Variants in KSR2 observed in about 807,000 individuals in gnomAD.
The protein encoded by KSR2 is kinase suppressor of ras 2.
In KSR2, 25 loss-of-function variants were observed where a neutral mutation model predicts 107.8. That is an observed-to-expected ratio of 0.23 (90% CI 0.17 to 0.32). KSR2 has a LOEUF of 0.32. Ranked by LOEUF, KSR2 falls within the 10% of genes least tolerant of loss-of-function variation. The pLI, the probability that KSR2 is intolerant of heterozygous loss-of-function variation, is 1.00. For missense variants in KSR2, 887 were observed against 1,268.9 expected (o/e 0.70, Z 4.57); for synonymous variants, 480 against 507.0 (o/e 0.95, Z 0.71).
In KSR2 at chr12:117,873,524, G is replaced by A. The variant is rs1187864469; in HGVS notation, c.181-13093C>T. Among the ~76,000 whole-genome samples the A allele has an allele frequency of 2.2e-5, 3 of 136,896 alleles. No individual in the cohort carries two copies. In the East Asian group the frequency reaches 7.3e-4, roughly 33 times the overall value. 89.8% of individuals were successfully genotyped at this position (136,896 alleles called of 152,430 possible). A position where few individuals can be genotyped will look rare whatever the true frequency, so the allele number is the denominator to read the frequency against. On this transcript the variant is annotated intron_variant, in intron 1 of 19. Transcript: ENST00000339824. ...TGCCCAGGATGGAGTACAATGGCAT[G>A]ACCTCGGCTCACTGCAACCTCCACC...
At chr12:117,632,951 G>A (rs1171491261) in intron 5 of KSR2, among the ~76,000 whole-genome samples, 2 of 152,134 alleles carry the variant, frequency 1.3e-5, no homozygotes, top group Admixed American at 6.5e-5. Context: ...GATGGGCATT[G>A]AGGTGGATTC....
intron 4 of KSR2, among the ~76,000 whole-genome samples, chr12:117,709,662 C>A (rs78837055): frequency 6.6e-6 from 1 of 152,116 alleles, no homozygotes; most frequent in African/African-American, 2.4e-5. Flanking sequence ...GGGGACACAG[C>A]GGTTAGCAAA....
intron 1 of KSR2, among the ~76,000 whole-genome samples, chr12:117,935,092 C>T (rs115484524): frequency 0.026 from 3,948 of 152,048 alleles, 82 homozygotes; most frequent in Middle Eastern, 0.095. Flanking sequence ...CCTCCCAAAG[C>T]GCTGGGATTA....
chr12:117,965,375 G>A (rs569450232), intron 1 of KSR2, among the ~76,000 whole-genome samples: 1 of 152,292 alleles, frequency 6.6e-6, no homozygotes, highest in South Asian at 2.1e-4. Context: ...CTAGGATTGG[G>A]TTTTCCATTT....
chr12:117,803,795 C>T (rs1890918502), intron 3 of KSR2, among the ~76,000 whole-genome samples: 1 of 152,192 alleles, frequency 6.6e-6, no homozygotes, highest in Non-Finnish European at 1.5e-5. Context: ...ATTTAATCCT[C>T]ACTACAAACT....
intron 1 of KSR2, among the ~76,000 whole-genome samples, chr12:117,874,284 G>C (rs1340873835): frequency 1.3e-5 from 2 of 151,920 alleles, no homozygotes; most frequent in African/African-American, 4.8e-5. Context: ...CCAGGCTGGA[G>C]TGCAGTGACA....
intron 4 of KSR2, among the ~76,000 whole-genome samples, chr12:117,697,987 ACAC>A (rs909917821): frequency 3.8e-4 from 58 of 152,116 alleles, no homozygotes; most frequent in African/African-American, 1.4e-3. Flanking sequence ...CACAGAGAGA[ACAC>A]CACGTGAAGA....
At chr12:117,890,849 G>A (rs1894320293) in intron 1 of KSR2, 1 of 152,142 alleles carries the variant, frequency 6.6e-6, no homozygotes. Flanking sequence ...CCAGCAGAAG[G>A]GAAAAAGAAG....
chr12:117,528,356 T>C (rs559058817), intron 12 of KSR2, among the ~76,000 whole-genome samples: 4 of 152,166 alleles, frequency 2.6e-5, no homozygotes, highest in Admixed American at 6.5e-5. Flanking sequence ...AACTGGGCTA[T>C]TGAAGGCATG....
chr12:117,825,881 G>A (rs1302040547), intron 3 of KSR2, among the ~76,000 whole-genome samples: 1 of 144,608 alleles, frequency 6.9e-6, no homozygotes, highest in Non-Finnish European at 1.5e-5. Context: ...ACGGACAGAT[G>A]CATGCATGCA....
chr12:117,864,714 T>C lies in KSR2; in HGVS notation c.181-4283A>G, dbSNP rs562706139. Among the ~76,000 whole-genome samples the C allele has an allele frequency of 1.2e-3, 185 of 152,356 alleles. 2 individuals are homozygous for C. Among genetic ancestry groups the C allele is most frequent in the Middle Eastern group, 0.01 (3 of 294 alleles). On this transcript the variant is annotated intron_variant, in intron 1 of 19. Coordinates refer to ENST00000339824, the MANE Select transcript of KSR2 (RefSeq NM_173598.6). ...TCACTTCTGAGAATCCCGTGGCTTG[T>C]GGCAGCCAAACTTCAATCTTCACAT...
chr12:117,552,170 A>G (rs708855), intron 9 of KSR2, among the ~76,000 whole-genome samples: 66,896 of 152,080 alleles, frequency 0.44, 15,434 homozygotes, highest in Middle Eastern at 0.52. Context: ...GTTTTGATCA[A>G]AGGCCCCCAA....
At chr12:117,886,860 A>G (rs1369062748) in intron 1 of KSR2, among the ~76,000 whole-genome samples, 1 of 152,048 alleles carries the variant, frequency 6.6e-6, no homozygotes, top group East Asian at 1.9e-4. Flanking sequence ...TGCATGTATT[A>G]CCTGGCTTAT....
intron 3 of KSR2, among the ~76,000 whole-genome samples, chr12:117,817,826 C>T (rs542683958): frequency 2.4e-4 from 37 of 152,182 alleles, no homozygotes; most frequent in African/African-American, 8.2e-4. Context: ...CCAGGCTGGG[C>T]GCGGTGGCTC....
rs184072937 is a variant in KSR2 at position 117,502,170 on chromosome 12, T to C, written c.2220-16479A>G. ...GTATGTCTGCGTCTGTGACTATTTA[T>C]GCACACATGAACACACATAAAGACA... On this transcript the variant is annotated intron_variant, in intron 14 of 19. Transcript: ENST00000339824. Among the ~76,000 whole-genome samples, 453 of 152,378 alleles carry C rather than the reference T, an allele frequency of 3.0e-3. 5 individuals are homozygous for C. Among genetic ancestry groups the C allele is most frequent in the African/African-American group, 0.01 (430 of 41,598 alleles).
intron 7 of KSR2, among the ~76,000 whole-genome samples, chr12:117,558,847 CAGAT>C (rs978170397): frequency 1.4e-5 from 2 of 147,130 alleles, no homozygotes; most frequent in African/African-American, 5.1e-5. Flanking sequence ...GGTGGCTGGA[CAGAT>C]GGATGGATGG....
intron 3 of KSR2, among the ~76,000 whole-genome samples, chr12:117,793,468 CCAACATGCACACTCACAT>C (rs1291708556): frequency 2.7e-5 from 4 of 148,194 alleles, no homozygotes; most frequent in South Asian, 2.2e-4. Context: ...CACACATACA[CCAACATGCACACTCACAT>C]CAACATGCAC....
chr12:117,577,604 G>A (rs1879363068), intron 7 of KSR2, among the ~76,000 whole-genome samples: 1 of 152,134 alleles, frequency 6.6e-6, no homozygotes, highest in African/African-American at 2.4e-5. Flanking sequence ...AAGCAGCTAG[G>A]GAGGCCTCAC....
At chr12:117,739,028 C>T (rs917097727) in intron 4 of KSR2, among the ~76,000 whole-genome samples, 1 of 152,162 alleles carries the variant, frequency 6.6e-6, no homozygotes, top group African/African-American at 2.4e-5. Flanking sequence ...TTTATAAACA[C>T]TGCACACTTA....
Sources: allele counts gnomAD v4.1 joint callset (sites outside exome capture counted in the v4.1 genomes callset), GRCh38; gene constraint gnomAD v4.1.1; transcripts MANE v1.5; gene names NCBI Gene and HGNC (gene_info 2026-07-23, HGNC 2026-07-21).